The following ZNF536 variants were observed in gnomAD, a reference collection of about 807,000 sequenced individuals.
ZNF536 encodes zinc finger protein 536.
A neutral mutation model predicts 84.5 loss-of-function variants in ZNF536; 13 were observed. That is an observed-to-expected ratio of 0.15 (90% CI 0.10 to 0.24). The LOEUF is 0.24. Ranked by LOEUF, ZNF536 falls within the 10% of genes least tolerant of loss-of-function variation. The pLI, the probability that ZNF536 is intolerant of heterozygous loss-of-function variation, is 1.00. For synonymous variants in ZNF536, 811 were observed against 742.5 expected, an observed-to-expected ratio of 1.09 and a Z score of -1.50; for missense variants, 1,536 against 1,747.5, an observed-to-expected ratio of 0.88 and a Z score of 2.16.
At chr19:30,691,526 G>C (rs1030926489) in intron 1 of ZNF536, among the ~76,000 whole-genome samples, 8 of 152,204 alleles carry the variant, frequency 5.3e-5, no homozygotes, top group Admixed American at 3.3e-4. Flanking sequence ...ATTTGGGAAG[G>C]TTGTATGCTA....
At chr19:30,318,156 C>T (rs2046741451) in intron 2 of ZNF536, among the ~76,000 whole-genome samples, 1 of 152,138 alleles carries the variant, frequency 6.6e-6, no homozygotes, top group Non-Finnish European at 1.5e-5. Context: ...TGGCCAGTTT[C>T]CCCCAGGACC....
intron 1 of ZNF536, among the ~76,000 whole-genome samples, chr19:30,244,934 C>T (rs529541937): frequency 6.6e-6 from 1 of 152,296 alleles, no homozygotes; most frequent in Admixed American, 6.5e-5. Context: ...AGGCCACTGT[C>T]CTGGCTAGGA....
At chr19:30,526,620 A>G in intron 2 of ZNF536, among the ~76,000 whole-genome samples, 1 of 139,532 alleles carries the variant, frequency 7.2e-6, no homozygotes, top group East Asian at 2.2e-4. Flanking sequence ...GCTACTTGGG[A>G]GGCTGAGGCA....
At position 30,443,619 on chromosome 19, in the gene ZNF536, C is replaced by T. The variant is rs2148146204; in HGVS notation, c.57C>T (p.Pro19=). 6.2e-7 allele frequency: 1 copy of T among 1,602,238 alleles called. No homozygotes were observed. The highest frequency in any genetic ancestry group is 8.5e-7 in the Non-Finnish European group (1 of 1,175,352). ...CTTCGGCGGAGCCGGAAGCTGAGCC[C>T]CACCTGAGTGGCCCCGTCCTCAACG... is the stretch of plus-strand genomic sequence containing the variant. The part of the protein sequence containing the change: ...GVSSAEPEAE[P]HLSGPVLNGQ... The change falls in exon 2 of 5, where the codon CCC becomes CCT. Residue 19 remains proline (P), a synonymous_variant. Coordinates refer to ENST00000355537, the MANE Select transcript of ZNF536 (RefSeq NM_014717.3).
At chr19:30,255,905 T>C (rs1301598298) in intron 1 of ZNF536, among the ~76,000 whole-genome samples, 1 of 152,160 alleles carries the variant, frequency 6.6e-6, no homozygotes, top group Non-Finnish European at 1.5e-5. Context: ...GCCAACAGCC[T>C]CCTTGGAAAC....
intron 1 of ZNF536, among the ~76,000 whole-genome samples, chr19:30,234,397 C>CTT (rs5827694): frequency 0.043 from 3,567 of 82,378 alleles, 169 homozygotes; most frequent in African/African-American, 0.071. Context: ...AGGCTCCTTC[C>CTT]TTTTTTTTTT....
intron 1 of ZNF536, among the ~76,000 whole-genome samples, chr19:30,690,236 G>A (rs560105149): frequency 6.6e-6 from 1 of 152,314 alleles, no homozygotes; most frequent in South Asian, 2.1e-4. Context: ...TCCTAGAGGA[G>A]GCCACATTTG....
chr19:30,249,936 T>G (rs937044539), intron 1 of ZNF536, among the ~76,000 whole-genome samples: 2 of 152,210 alleles, frequency 1.3e-5, no homozygotes, highest in Non-Finnish European at 2.9e-5. Context: ...GGTTTCTCTC[T>G]GGGCAAAGGC....
At chr19:30,417,243 T>G (rs1449277999) in intron 1 of ZNF536, among the ~76,000 whole-genome samples, 14 of 150,166 alleles carry the variant, frequency 9.3e-5, no homozygotes, top group Admixed American at 5.3e-4. Flanking sequence ...GTGATCCGCC[T>G]GCCTTGGCCT....
intron 1 of ZNF536, among the ~76,000 whole-genome samples, chr19:30,279,532 C>G (rs953413798): frequency 6.6e-5 from 10 of 152,198 alleles, no homozygotes; most frequent in African/African-American, 2.4e-4. Context: ...AGAAAACTTC[C>G]AGATCCGGTT....
At chr19:30,682,213 C>T (rs1442530034) in intron 1 of ZNF536, among the ~76,000 whole-genome samples, 1 of 152,082 alleles carries the variant, frequency 6.6e-6, no homozygotes, top group African/African-American at 2.4e-5. Context: ...TGGTATCTCT[C>T]GAACTCTGCA....
At chr19:30,264,640 A>T (rs141552579) in intron 1 of ZNF536, among the ~76,000 whole-genome samples, 57 of 152,050 alleles carry the variant, frequency 3.7e-4, no homozygotes, top group African/African-American at 1.4e-3. Context: ...CCACTTTCTC[A>T]TATAAGAGAC....
chr19:30,562,416 A>G (rs577278011), downstream of ZNF536, among the ~76,000 whole-genome samples: 1 of 152,220 alleles, frequency 6.6e-6, no homozygotes, highest in African/African-American at 2.4e-5. Context: ...TTAGAAGAAG[A>G]CCATTGAGGA....
intron 2 of ZNF536, among the ~76,000 whole-genome samples, chr19:30,478,573 G>A (rs1435608746): frequency 6.6e-6 from 1 of 152,150 alleles, no homozygotes; most frequent in African/African-American, 2.4e-5. Context: ...TGTGTATACC[G>A]GGGAATAATA....
chr19:30,344,304 T>TATATATATA (rs1460061348), intron 2 of ZNF536, among the ~76,000 whole-genome samples: 1 of 66,268 alleles, frequency 1.5e-5, no homozygotes. Context: ...CACAAATATA[T>TATATATATA]TGGCGGCCTC....
In ZNF536 at chr19:30,547,837, T is replaced by C; in HGVS notation, c.2324-106T>C. The C allele has an allele frequency of 3.1e-6, 4 of 1,303,598 alleles. No homozygotes were observed. In the East Asian group the frequency reaches 9.6e-5, roughly 31 times the overall value. 80.8% of individuals were successfully genotyped at this position (1,303,598 alleles called of 1,614,324 possible). A position where few individuals can be genotyped will look rare whatever the true frequency, so the allele number is the denominator to read the frequency against. ...AAAACAGTTGTTCTCTAATTATTAG[T>C]TTGAGCTGCTTTGTTTCAAAGAACA... On this transcript the variant is annotated intron_variant, in intron 3 of 4. Coordinates refer to ENST00000355537, the MANE Select transcript of ZNF536 (RefSeq NM_014717.3).
At chr19:30,672,499 T>C (rs574727158) in intron 1 of ZNF536, among the ~76,000 whole-genome samples, 2 of 152,288 alleles carry the variant, frequency 1.3e-5, no homozygotes, top group East Asian at 1.9e-4. Context: ...TATTTCAGGG[T>C]CCATACAGCA....
At chr19:30,456,311 T>TC (rs1303611059) in intron 2 of ZNF536, among the ~76,000 whole-genome samples, 1 of 144,450 alleles carries the variant, frequency 6.9e-6, no homozygotes, top group African/African-American at 2.5e-5. Flanking sequence ...TTCTTTTCTT[T>TC]TTTTTTTTTT....
At chr19:30,430,809 G>C (rs1311207773) in intron 1 of ZNF536, among the ~76,000 whole-genome samples, 1 of 152,130 alleles carries the variant, frequency 6.6e-6, no homozygotes, top group East Asian at 1.9e-4. Flanking sequence ...TGAGTAGCTG[G>C]GACTACAGGC....
Sources: gnomAD v4.1 joint callset for allele counts (sites outside exome capture counted in the v4.1 genomes callset) on GRCh38, gnomAD v4.1.1 for gene constraint, MANE v1.5 for transcripts, NCBI Gene and HGNC (gene_info 2026-07-23, HGNC 2026-07-21) for gene names.